The following SLC39A10 variants were observed in gnomAD, a reference collection of about 807,000 sequenced individuals.
The protein encoded by SLC39A10 is zinc transporter ZIP10.
SLC39A10 carries 13 observed loss-of-function variants against 65.1 expected under a neutral mutation model. The observed-to-expected ratio is 0.20, with a 90% CI of 0.13 to 0.32. The LOEUF (loss-of-function observed/expected upper bound fraction) is 0.32. Among genes scored for constraint, SLC39A10 ranks in the 10% least tolerant of loss-of-function variants. The probability of loss-of-function intolerance (pLI) is 1.00; values close to 1 mark genes in which losing one functional copy is unlikely to be tolerated. For missense variants in SLC39A10, 831 were observed against 1,018.4 expected (o/e 0.82, Z 2.50); for synonymous variants, 321 against 342.2 (o/e 0.94, Z 0.68).
chr2:195,652,577 T>TA (rs1689060631), upstream of SLC39A10, among the ~76,000 whole-genome samples: 1 of 150,358 alleles, frequency 6.7e-6, no homozygotes, highest in African/African-American at 2.5e-5. Flanking sequence ...AAGAAAATTT[T>TA]AAAAAAAAGA....
rs574107683 is a variant in SLC39A10 at position 195,688,291 on chromosome 2, A to G, written c.1216+4385A>G. 6.4e-4 allele frequency among the ~76,000 whole-genome samples: 97 copies of G among 152,368 alleles called. 1 individual carries two copies. Among genetic ancestry groups the G allele is most frequent in the African/African-American group, 2.2e-3 (90 of 41,590 alleles). ...AAGCACAACAATTTGGTTAGAAATC[A>G]AAACAATTTTATTACCACCATTGGT... On this transcript the variant is annotated intron_variant, in intron 3 of 9. Transcript: ENST00000359634.
At chr2:195,657,875 G>T (rs1450303275) in intron 1 of SLC39A10, among the ~76,000 whole-genome samples, 1 of 152,172 alleles carries the variant, frequency 6.6e-6, no homozygotes, top group African/African-American at 2.4e-5. Flanking sequence ...CTAACGGACG[G>T]CGGCGCCTCT....
intron 2 of SLC39A10, 47 bp from the exon 3 acceptor site, chr2:195,683,652 T>C (rs750647635): frequency 2.8e-6 from 4 of 1,441,062 alleles, no homozygotes; most frequent in Non-Finnish European, 3.8e-6. Flanking sequence ...TTGCATAATC[T>C]CCTTAAAGAC....
At chr2:195,696,981 A>G (rs552532871) in intron 3 of SLC39A10, among the ~76,000 whole-genome samples, 1 of 152,274 alleles carries the variant, frequency 6.6e-6, no homozygotes, top group East Asian at 1.9e-4. Context: ...TCTATTCGTT[A>G]TTCATATTAA....
chr2:195,690,173 GA>G (rs34116515), intron 3 of SLC39A10, among the ~76,000 whole-genome samples: 6,055 of 61,072 alleles, frequency 0.099, 263 homozygotes, highest in Middle Eastern at 0.21. Context: ...GAGACTCTCT[GA>G]AAAAAAAAAA....
At chr2:195,713,349 T>C (rs772520572) in intron 5 of SLC39A10, 84 bp from the exon 6 acceptor site, 26 of 1,076,326 alleles carry the variant, frequency 2.4e-5, no homozygotes, top group Non-Finnish European at 3.2e-5. Context: ...TTTTTACCTG[T>C]AGGTGTTAAT....
At chr2:195,622,037 G>A (rs1429341058) in intron 2 of SLC39A10, among the ~76,000 whole-genome samples, 1 of 152,092 alleles carries the variant, frequency 6.6e-6, no homozygotes, top group African/African-American at 2.4e-5. Context: ...ATCATGTCTT[G>A]CTATTGTGCC....
At chr2:195,679,572 CATG>C (rs1690224348) in intron 1 of SLC39A10, among the ~76,000 whole-genome samples, 1 of 152,174 alleles carries the variant, frequency 6.6e-6, no homozygotes. Context: ...CCAGTCATAA[CATG>C]ATATAGCCAT....
At chr2:195,708,563 G>A (rs78007726) in intron 4 of SLC39A10, 93 bp from the exon 5 acceptor site, 19,929 of 942,364 alleles carry the variant, frequency 0.021, 290 homozygotes, top group Non-Finnish European at 0.026. Flanking sequence ...TATTTTTTCT[G>A]TGTCATTTAG....
chr2:195,728,772 T>C lies in SLC39A10; in HGVS notation c.2337+423T>C, dbSNP rs1692331427. On this transcript the variant is annotated intron_variant, in intron 9 of 9. Coordinates refer to ENST00000359634, the MANE Select transcript of SLC39A10 (RefSeq NM_020342.3). The surrounding 1 kb of genome is among the most constrained non-coding windows in gnomAD (Gnocchi z 4.4). ...TATTCCATAGGATTTATGTAATTTC[T>C]CTTATTTCTAAATTTAGCTTAAAGT... is the stretch of plus-strand genomic sequence containing the variant. Among the ~76,000 whole-genome samples the C allele has an allele frequency of 6.6e-6, 1 of 152,222 alleles. No individual in the cohort carries two copies. Among genetic ancestry groups the C allele is most frequent in the Non-Finnish European group, 1.5e-5 (1 of 68,038 alleles).
chr2:195,640,991 T>G (rs1688802186), intron 2 of SLC39A10, among the ~76,000 whole-genome samples: 2 of 152,176 alleles, frequency 1.3e-5, no homozygotes, highest in South Asian at 4.1e-4. Flanking sequence ...TAGTATTCAG[T>G]CAGTACCCAC....
intron 1 of SLC39A10, among the ~76,000 whole-genome samples, chr2:195,671,491 A>G (rs1414051310): frequency 2.0e-5 from 3 of 152,244 alleles, no homozygotes; most frequent in Non-Finnish European, 4.4e-5. Context: ...ATTATCAATT[A>G]TAAAACTAAC....
intron 3 of SLC39A10, among the ~76,000 whole-genome samples, chr2:195,686,433 C>A (rs1574270828): frequency 6.6e-6 from 1 of 152,008 alleles, no homozygotes; most frequent in African/African-American, 2.4e-5. Flanking sequence ...GCCTGTAGTC[C>A]CAGCTACTCG....
intron 2 of SLC39A10, among the ~76,000 whole-genome samples, chr2:195,636,289 T>C (rs561456409): frequency 1.4e-4 from 21 of 152,386 alleles, no homozygotes; most frequent in Middle Eastern, 3.4e-3. Context: ...TTTTTCTTAC[T>C]TTGAAAACTA....
intron 2 of SLC39A10, among the ~76,000 whole-genome samples, chr2:195,627,911 A>T (rs1688506922): frequency 6.6e-6 from 1 of 152,192 alleles, no homozygotes; most frequent in Non-Finnish European, 1.5e-5. Flanking sequence ...TGGGGAAGAG[A>T]TCTCTCTTTA....
intron 3 of SLC39A10, among the ~76,000 whole-genome samples, chr2:195,690,060 C>T (rs1690670865): frequency 6.7e-6 from 1 of 150,142 alleles, no homozygotes; most frequent in Non-Finnish European, 1.5e-5. Context: ...GCCTGTGATC[C>T]CAGCTACTTG....
intron 3 of SLC39A10, among the ~76,000 whole-genome samples, chr2:195,696,090 A>C (rs1391761141): frequency 6.6e-6 from 1 of 152,264 alleles, no homozygotes. Flanking sequence ...AAAATCATTT[A>C]ACCATATATT....
intron 2 of SLC39A10, among the ~76,000 whole-genome samples, chr2:195,613,822 G>C (rs1688147975): frequency 6.6e-6 from 1 of 152,200 alleles, no homozygotes; most frequent in Non-Finnish European, 1.5e-5. Flanking sequence ...AGGAGCAAGA[G>C]AAAATGGTTG....
At chr2:195,658,810 CAT>C (rs71762825) in intron 1 of SLC39A10, among the ~76,000 whole-genome samples, 63,372 of 151,906 alleles carry the variant, frequency 0.42, 15,764 homozygotes, top group Non-Finnish European at 0.57. Context: ...TTACTGGAAA[CAT>C]ATAATATCAG....
Sources: allele counts gnomAD v4.1 joint callset (sites outside exome capture counted in the v4.1 genomes callset), GRCh38; gene constraint gnomAD v4.1.1; non-coding constraint Gnocchi (gnomAD v3.1); transcripts MANE v1.5; gene names NCBI Gene and HGNC (gene_info 2026-07-23, HGNC 2026-07-21).